The following PKDREJ variants were observed in gnomAD, a reference collection of about 807,000 sequenced individuals.
The protein encoded by PKDREJ is PKD and REJ homolog.
For missense variants in PKDREJ, 2,507 were observed against 2,807.2 expected (o/e 0.89, Z 2.42); for synonymous variants, 1,031 against 1,095.5 (o/e 0.94, Z 1.16).
In PKDREJ at chr22:46,257,022, A is replaced by G. The variant is rs1415145812; in HGVS notation, c.6301T>C (p.Phe2101Leu). The G allele has an allele frequency of 6.2e-7, 1 of 1,614,028 alleles. No homozygotes were observed. The highest frequency in any genetic ancestry group is 8.5e-7 in the Non-Finnish European group (1 of 1,180,010). ...AGGTAACCAAAAGCCATGTATACGA[A>G]GAAATACACGGACACAACAAATGCC... ...HMAFVVSVYF[F>L]VYMAFGYLVF... Residue 2101 changes from phenylalanine (F) to leucine (L), a missense_variant, in exon 1 of 1, where the codon TTC becomes CTC. Phe to Leu is a conservative substitution (Grantham distance 22, BLOSUM62 0). Transcript: ENST00000253255. The surrounding 1 kb of genome is among the most constrained non-coding windows in gnomAD (Gnocchi z 4.7).
chr22:46,261,686 C>G lies in PKDREJ; in HGVS notation c.1637G>C (p.Gly546Ala). The change falls in exon 1 of 1, where the codon GGA becomes GCA. Residue 546 changes from glycine to alanine, a missense_variant. Transcript: ENST00000253255. This position sits in a 1 kb window ranked among gnomAD's most constrained non-coding sequence, Gnocchi z 7.1. ...AGAATGCCTGAAGACCGAGGTCACTCCACTCCAACATGCTAGATACAGAGA... is the reference window on the plus strand; with the variant it reads ...AGAATGCCTGAAGACCGAGGTCACTGCACTCCAACATGCTAGATACAGAGA... ...SISLYLACWS[G>A]VTSVFRHSFI... is the part of the protein sequence containing the mutation. 2.5e-6 allele frequency: 4 copies of G among 1,614,028 alleles called. No individual in the cohort carries two copies. The highest frequency in any genetic ancestry group is 3.4e-6 in the Non-Finnish European group (4 of 1,180,000).
At position 46,259,220 on chromosome 22, in the gene PKDREJ, T is replaced by A; in HGVS notation, c.4103A>T (p.Lys1368Ile). 6.2e-7 allele frequency: 1 copy of A among 1,613,750 alleles called. No homozygotes were observed. The highest frequency in any genetic ancestry group is 1.3e-5 in the African/African-American group (1 of 75,002). ...AAAAATAGAGAACCACATGTGGTTT[T>A]TCCGGAGATTACTACTCACATCTAT... Reference protein sequence around the residue: ...FFIDVSSNLRKNHMWFSIFAS... With the variant: ...FFIDVSSNLRINHMWFSIFAS... Residue 1368 changes from lysine to isoleucine, a missense_variant, in exon 1 of 1, where the codon AAA becomes ATA. Coordinates refer to ENST00000253255, the MANE Select transcript of PKDREJ (RefSeq NM_006071.2). This position sits in a 1 kb window ranked among gnomAD's most constrained non-coding sequence, Gnocchi z 6.8.
rs1422319728 is a variant in PKDREJ, at chr22:46,258,529, A to G, written c.4794T>C (p.Tyr1598=). 6 of 1,614,246 alleles carry G rather than the reference A, an allele frequency of 3.7e-6. No individual in the cohort carries two copies. Among genetic ancestry groups the G allele is most frequent in the Admixed American group, 3.3e-5 (2 of 60,030 alleles). The change falls in exon 1 of 1, where the codon TAT becomes TAC. Residue 1598 remains tyrosine (Y), a synonymous_variant. Transcript: ENST00000253255. This position sits in a 1 kb window ranked among gnomAD's most constrained non-coding sequence, Gnocchi z 6.1. ...SSISSFFIVF[Y]GLTYGYDKSI... is the part of the protein sequence containing the mutation. ...ACTTGTCATAGCCGTAAGTCAGTCCATAAAATACAATGAAGAATGAGGATA... is the reference window on the plus strand; with the variant it reads ...ACTTGTCATAGCCGTAAGTCAGTCCGTAAAATACAATGAAGAATGAGGATA...
At position 46,259,457 on chromosome 22, in the gene PKDREJ, T is replaced by A; in HGVS notation, c.3866A>T (p.Asp1289Val). ...ACGGATGGAATGGATGTCCCCCAAG[T>A]CACTTTTTGTCGTTAGGAGGAAAGT... ...INTFLLTTKS[D>V]LGDIHSIRVW... is the part of the protein sequence containing the mutation. The change falls in exon 1 of 1, where the codon GAC becomes GTC. Residue 1289 changes from aspartate (D) to valine (V), a missense_variant. Physicochemically the swap from Asp to Val is radical, Grantham distance 152 (BLOSUM62 -3). Transcript: ENST00000253255. This position sits in a 1 kb window ranked among gnomAD's most constrained non-coding sequence, Gnocchi z 6.8. The A allele has an allele frequency of 6.2e-7, 1 of 1,614,210 alleles. No homozygotes were observed. Among genetic ancestry groups the A allele is most frequent in the Non-Finnish European group, 8.5e-7 (1 of 1,180,030 alleles).
Position 46,257,594 on chromosome 22 carries a change from T to C in PKDREJ, c.5729A>G (p.Lys1910Arg). 1 of 1,614,150 alleles carries C rather than the reference T, an allele frequency of 6.2e-7. No individual in the cohort carries two copies. Among genetic ancestry groups the C allele is most frequent in the Non-Finnish European group, 8.5e-7 (1 of 1,180,008 alleles). ...TAATTCCAAAACCACAGCCCATGTC[T>C]TCTCATCCAGCCAATTGCTTTCTTG... ...ELQESNWLDEKTWAVVLELTT... is the reference protein window; with the variant it reads ...ELQESNWLDERTWAVVLELTT... Residue 1910 changes from lysine to arginine, a missense_variant, in exon 1 of 1, where the codon AAG (lysine) becomes AGG (arginine). Coordinates refer to ENST00000253255, the MANE Select transcript of PKDREJ (RefSeq NM_006071.2). This position sits in a 1 kb window ranked among gnomAD's most constrained non-coding sequence, Gnocchi z 4.7.
rs1201420668 is a variant in PKDREJ, at chr22:46,263,066, C to T, written c.257G>A (p.Arg86Gln). 5.2e-6 allele frequency: 7 copies of T among 1,333,450 alleles called. No individual in the cohort carries two copies. The South Asian group carries it at 9.0e-5, about 17-fold the overall frequency. 82.6% of individuals were successfully genotyped at this position (1,333,450 alleles called of 1,614,324 possible). The change falls in exon 1 of 1, where the codon CGG (arginine) becomes CAG (glutamine). Residue 86 changes from arginine to glutamine, a missense_variant. Physicochemically the swap from Arg to Gln is conservative, Grantham distance 43. Coordinates refer to ENST00000253255, the MANE Select transcript of PKDREJ (RefSeq NM_006071.2). The surrounding 1 kb of genome is among the most constrained non-coding windows in gnomAD (Gnocchi z 9.4). ...SLCFPHGGTG[R>Q]RWYCLDLRVL... is the part of the protein sequence containing the mutation. ...GCGCAAGTCGAGGCAGTACCAGCGCCGCCCGGTCCCGCCATGGGGGAAGCA... is the reference window on the plus strand; with the variant it reads ...GCGCAAGTCGAGGCAGTACCAGCGCTGCCCGGTCCCGCCATGGGGGAAGCA...
rs772097488 is a variant in PKDREJ, at chr22:46,260,750, T to C, written c.2573A>G (p.Asn858Ser). Residue 858 changes from asparagine to serine, a missense_variant, in exon 1 of 1, where the codon AAT becomes AGT. Physicochemically the swap from Asn to Ser is conservative, Grantham distance 46 (BLOSUM62 1). Transcript: ENST00000253255. The surrounding 1 kb of genome is among the most constrained non-coding windows in gnomAD (Gnocchi z 4.5). ...AACTTTCTTGACATACATGTTGAAA[T>C]TGGGGGTTCTCATTGAGGTGGTTTT... ...GNKTTSMRTP[N>S]FNMYVKKVEK... is the part of the protein sequence containing the mutation. 1.2e-5 allele frequency: 19 copies of C among 1,613,962 alleles called. No homozygotes were observed. In the African/African-American group the frequency reaches 1.2e-4, roughly 10 times the overall value.
In PKDREJ at chr22:46,258,494, C is replaced by T. The variant is rs1936658432; in HGVS notation, c.4829G>A (p.Trp1610Ter). The T allele has an allele frequency of 2.5e-6, 4 of 1,613,922 alleles. No individual in the cohort carries two copies. The highest frequency in any genetic ancestry group is 3.4e-6 in the Non-Finnish European group (4 of 1,179,944). ...LTYGYDKSIE[W>*]LFASFCSFCQ... ...GAATGAACAAAAAGATGCAAAGAGC[C>T]ATTCTATTGACTTGTCATAGCCGTA... The change falls in exon 1 of 1, where the codon TGG (tryptophan) becomes TAG (stop). Residue 1610 changes from tryptophan to a stop codon, truncating the protein, a stop_gained. Coordinates refer to ENST00000253255, the MANE Select transcript of PKDREJ (RefSeq NM_006071.2). LOFTEE classifies it low-confidence loss of function (END_TRUNC). The surrounding 1 kb of genome is among the most constrained non-coding windows in gnomAD (Gnocchi z 6.1).
At position 46,262,830 on chromosome 22, in the gene PKDREJ, G is replaced by C; in HGVS notation, c.493C>G (p.Arg165Gly). The change falls in exon 1 of 1, where the codon CGC (arginine) becomes GGC (glycine). Residue 165 changes from arginine (R) to glycine (G), a missense_variant. Coordinates refer to ENST00000253255, the MANE Select transcript of PKDREJ (RefSeq NM_006071.2). This position sits in a 1 kb window ranked among gnomAD's most constrained non-coding sequence, Gnocchi z 8.1. ...PASPAARVSP[R>G]SAAPGPRPQQ... ...GGCCGCGGGCCTGGCGCGGCGGAGC[G>C]CGGGGAGACGCGGGCCGCGGGGGAG... 8.1e-7 allele frequency: 1 copy of C among 1,232,964 alleles called. No individual in the cohort carries two copies. The highest frequency in any genetic ancestry group is 1.0e-6 in the Non-Finnish European group (1 of 981,108). The allele number at this position is 1,232,964 out of a possible 1,614,324, so 76.4% of individuals were successfully genotyped here.
In PKDREJ at chr22:46,261,560, C is replaced by T. The variant is rs1236426727; in HGVS notation, c.1763G>A (p.Arg588Lys). 1 of 1,614,062 alleles carries T rather than the reference C, an allele frequency of 6.2e-7. No individual in the cohort carries two copies. Among genetic ancestry groups the T allele is most frequent in the Admixed American group, 1.7e-5 (1 of 60,016 alleles). The part of the protein sequence containing the change: ...TKFVVQCSNF[R>K]DKHVPLTYKI... ...ATATGTAAGAGGGACGTGCTTATCC[C>T]TAAAATTACTACACTGGACAACAAA... The change falls in exon 1 of 1, where the codon AGG (arginine) becomes AAG (lysine). Residue 588 changes from arginine (R) to lysine (K), a missense_variant. Coordinates refer to ENST00000253255, the MANE Select transcript of PKDREJ (RefSeq NM_006071.2). This position sits in a 1 kb window ranked among gnomAD's most constrained non-coding sequence, Gnocchi z 7.1.
rs1272634879 is a variant in PKDREJ at position 46,262,954 on chromosome 22, G to A, written c.369C>T (p.Arg123=). The A allele has an allele frequency of 4.4e-6, 5 of 1,137,892 alleles. No homozygotes were observed. Among genetic ancestry groups the A allele is most frequent in the Non-Finnish European group, 5.4e-6 (5 of 931,326 alleles). The allele number at this position is 1,137,892 out of a possible 1,614,324, so 70.5% of individuals were successfully genotyped here. A position where few individuals can be genotyped will look rare whatever the true frequency, so the allele number is the denominator to read the frequency against. ...VDLQLSARGG[R]LSLTWSVRLP... is the part of the protein sequence containing the mutation. Reference sequence around the variant, plus strand: ...GCCGCACGGACCACGTCAGGGAGAGGCGGCCGCCGCGCGCGGAGAGCTGCA... The same window carrying A: ...GCCGCACGGACCACGTCAGGGAGAGACGGCCGCCGCGCGCGGAGAGCTGCA... Residue 123 remains arginine, a synonymous_variant, in exon 1 of 1, where the codon CGC becomes CGT. Transcript: ENST00000253255. The surrounding 1 kb of genome is among the most constrained non-coding windows in gnomAD (Gnocchi z 8.1).
At position 46,258,285 on chromosome 22, in the gene PKDREJ, T is replaced by G. The variant is rs776058408; in HGVS notation, c.5038A>C (p.Ile1680Leu). 1 of 1,614,246 alleles carries G rather than the reference T, an allele frequency of 6.2e-7. No homozygotes were observed. The highest frequency in any genetic ancestry group is 8.5e-7 in the Non-Finnish European group (1 of 1,180,048). The change falls in exon 1 of 1, where the codon ATC becomes CTC. Residue 1680 changes from isoleucine (I) to leucine (L), a missense_variant. By Grantham distance (5) the Ile-to-Leu change is conservative. Transcript: ENST00000253255. This position sits in a 1 kb window ranked among gnomAD's most constrained non-coding sequence, Gnocchi z 6.1. ...MQRIHDQIVR[I>L]RGTRMYQPLT... ...GGTTGGTACATCCTCGTGCCTCGGATTCGGACGATCTGGTCATGTATCCTC... is the reference window on the plus strand; with the variant it reads ...GGTTGGTACATCCTCGTGCCTCGGAGTCGGACGATCTGGTCATGTATCCTC...
At position 46,257,827 on chromosome 22, in the gene PKDREJ, T is replaced by C; in HGVS notation, c.5496A>G (p.Glu1832=). 1 of 1,614,244 alleles carries C rather than the reference T, an allele frequency of 6.2e-7. No homozygotes were observed. The highest frequency in any genetic ancestry group is 8.5e-7 in the Non-Finnish European group (1 of 1,180,036). Reference sequence around the variant, plus strand: ...AAAAGCCAGAATAGTTTTTTGTGTCTTCTGGGTCAATGCCATATTTGGGGT... The same window carrying C: ...AAAAGCCAGAATAGTTTTTTGTGTCCTCTGGGTCAATGCCATATTTGGGGT... ...HCHPKYGIDP[E]DTKNYSGFWN... is the part of the protein sequence containing the mutation. Residue 1832 remains glutamate (E), a synonymous_variant, in exon 1 of 1, where the codon GAA becomes GAG. Coordinates refer to ENST00000253255, the MANE Select transcript of PKDREJ (RefSeq NM_006071.2). The surrounding 1 kb of genome is among the most constrained non-coding windows in gnomAD (Gnocchi z 4.7).
In PKDREJ at chr22:46,260,699, A is replaced by G. The variant is rs755846655; in HGVS notation, c.2624T>C (p.Phe875Ser). 1.2e-6 allele frequency: 2 copies of G among 1,614,084 alleles called. No individual in the cohort carries two copies. The highest frequency in any genetic ancestry group is 2.7e-5 in the African/African-American group (2 of 74,942). ...ATTTCTGCAGTGTTTCTCATTTCTGAAGAGCTGGTTGATACCCCACTTTTC... is the reference window on the plus strand; with the variant it reads ...ATTTCTGCAGTGTTTCTCATTTCTGGAGAGCTGGTTGATACCCCACTTTTC... Reference protein sequence around the residue: ...KVEKWGINQLFRNEKHCRNCF... With the variant: ...KVEKWGINQLSRNEKHCRNCF... The change falls in exon 1 of 1, where the codon TTC (phenylalanine) becomes TCC (serine). Residue 875 changes from phenylalanine to serine, a missense_variant. Phe to Ser is a radical substitution (Grantham distance 155). Transcript: ENST00000253255. This position sits in a 1 kb window ranked among gnomAD's most constrained non-coding sequence, Gnocchi z 4.5.
chr22:46,258,902 C>G lies in PKDREJ; in HGVS notation c.4421G>C (p.Ser1474Thr). 1 of 1,614,184 alleles carries G rather than the reference C, an allele frequency of 6.2e-7. No homozygotes were observed. Among genetic ancestry groups the G allele is most frequent in the Non-Finnish European group, 8.5e-7 (1 of 1,180,026 alleles). ...PQKHPLMSEA[S>T]EHWEEYLRKW... ...TCTCAAGTATTCTTCCCAGTGCTCA[C>G]TTGCTTCTGACATTAGAGGATGCTT... is the stretch of plus-strand genomic sequence containing the variant. The change falls in exon 1 of 1, where the codon AGT becomes ACT. Residue 1474 changes from serine to threonine, a missense_variant. Transcript: ENST00000253255. This position sits in a 1 kb window ranked among gnomAD's most constrained non-coding sequence, Gnocchi z 6.1.
rs1010985979 is a variant in PKDREJ at position 46,262,112 on chromosome 22, G to A, written c.1211C>T (p.Ala404Val). 2 of 1,614,070 alleles carry A rather than the reference G, an allele frequency of 1.2e-6. No homozygotes were observed. Among genetic ancestry groups the A allele is most frequent in the African/African-American group, 1.3e-5 (1 of 74,954 alleles). The change falls in exon 1 of 1, where the codon GCC (alanine) becomes GTC (valine). Residue 404 changes from alanine to valine, a missense_variant. By Grantham distance (64) the Ala-to-Val change is moderately conservative. Transcript: ENST00000253255. The surrounding 1 kb of genome is among the most constrained non-coding windows in gnomAD (Gnocchi z 8.1). ...CGAGGCCCAGGGCCATTTCAGATTG[G>A]CCTGCTCGGGGTGACAGACTTCCTT... Reference protein sequence around the residue: ...GSKEVCHPEQANLKWPWASGP... With the variant: ...GSKEVCHPEQVNLKWPWASGP...
rs377352664 is a variant in PKDREJ, at chr22:46,258,535, T to C, written c.4788A>G (p.Val1596=). The part of the protein sequence containing the change: ...ATSSISSFFI[V]FYGLTYGYDK... ...CATAGCCGTAAGTCAGTCCATAAAA[T>C]ACAATGAAGAATGAGGATATGCTAG... Residue 1596 remains valine (V), a synonymous_variant, in exon 1 of 1, where the codon GTA becomes GTG. Transcript: ENST00000253255. The surrounding 1 kb of genome is among the most constrained non-coding windows in gnomAD (Gnocchi z 6.1). 6 of 1,614,062 alleles carry C rather than the reference T, an allele frequency of 3.7e-6. No homozygotes were observed. The highest frequency in any genetic ancestry group is 5.1e-6 in the Non-Finnish European group (6 of 1,180,032).
At position 46,256,995 on chromosome 22, in the gene PKDREJ, C is replaced by G; in HGVS notation, c.6328G>C (p.Val2110Leu). 6.2e-7 allele frequency: 1 copy of G among 1,613,966 alleles called. No individual in the cohort carries two copies. The highest frequency in any genetic ancestry group is 8.5e-7 in the Non-Finnish European group (1 of 1,180,006). ...FFVYMAFGYL[V>L]FGQHEWNYSN... is the part of the protein sequence containing the mutation. ...TAGTTCCATTCATGCTGACCAAACA[C>G]CAGGTAACCAAAAGCCATGTATACG... The change falls in exon 1 of 1, where the codon GTG becomes CTG. Residue 2110 changes from valine to leucine, a missense_variant. Val to Leu is a conservative substitution (Grantham distance 32). Transcript: ENST00000253255. This position sits in a 1 kb window ranked among gnomAD's most constrained non-coding sequence, Gnocchi z 5.3.
rs1459103751 is a variant in PKDREJ, at chr22:46,259,862, A to C, written c.3461T>G (p.Leu1154Arg). 1 of 1,613,538 alleles carries C rather than the reference A, an allele frequency of 6.2e-7. No homozygotes were observed. The highest frequency in any genetic ancestry group is 2.2e-5 in the East Asian group (1 of 44,894). The change falls in exon 1 of 1, where the codon CTG (leucine) becomes CGG (arginine). Residue 1154 changes from leucine to arginine, a missense_variant. Leu to Arg is a moderately radical substitution (Grantham distance 102, BLOSUM62 -2). Coordinates refer to ENST00000253255, the MANE Select transcript of PKDREJ (RefSeq NM_006071.2). The surrounding 1 kb of genome is among the most constrained non-coding windows in gnomAD (Gnocchi z 6.8). ...LGTIGLTGIH[L>R]HTHYVMAKVI... ...CTTGGCCATCACATAGTGGGTATGC[A>C]GGTGAATGCCCGTGAGTCCGATTGT...
Sources: allele counts gnomAD v4.1 joint callset, GRCh38; gene constraint gnomAD v4.1.1; non-coding constraint Gnocchi (gnomAD v3.1); transcripts MANE v1.5; gene names NCBI Gene and HGNC (gene_info 2026-07-23, HGNC 2026-07-21).